Variants in ABI3BP observed in about 807,000 individuals in gnomAD.
The protein encoded by ABI3BP is ABI family member 3 binding protein, also known as target of Nesh-SH3.
Under a neutral mutation model 268.6 loss-of-function variants are expected in ABI3BP, and 216 were observed. That is an observed-to-expected ratio of 0.80 (90% CI 0.72 to 0.90). ABI3BP has a LOEUF of 0.90. Ranked by LOEUF, ABI3BP falls within the 40% of genes least tolerant of loss-of-function variation. ABI3BP has a pLI of 0.00. For missense variants in ABI3BP, 2,090 were observed against 2,182.4 expected (o/e 0.96, Z 0.84); for synonymous variants, 730 against 730.0 (o/e 1.00, Z 0.00).
intron 1 of ABI3BP, among the ~76,000 whole-genome samples, chr3:100,974,395 C>T (rs1328942831): frequency 6.6e-6 from 1 of 152,088 alleles, no homozygotes; most frequent in Non-Finnish European, 1.5e-5. Flanking sequence ...GCTGCATGGC[C>T]ATATAATGAA....
intron 12 of ABI3BP, chr3:100,863,765 A>C (rs2099023079): frequency 2.1e-6 from 1 of 479,882 alleles, no homozygotes; most frequent in Non-Finnish European, 3.7e-6. Context: ...GTTCAGTGAC[A>C]TATTGATTCT....
chr3:100,831,898 T>C (rs2098501120), intron 31 of ABI3BP, among the ~76,000 whole-genome samples: 2 of 152,316 alleles, frequency 1.3e-5, no homozygotes, highest in South Asian at 4.1e-4. Flanking sequence ...AACTACAGTG[T>C]AAACTGATTG....
intron 6 of ABI3BP, among the ~76,000 whole-genome samples, chr3:100,884,243 AAAC>A (rs2040806742): frequency 6.6e-6 from 1 of 152,030 alleles, no homozygotes; most frequent in Non-Finnish European, 1.5e-5. Flanking sequence ...CAAAACCTAA[AAAC>A]AAAAAACCAA....
intron 46 of ABI3BP, among the ~76,000 whole-genome samples, chr3:100,812,131 T>C (rs1018444562): frequency 1.3e-5 from 2 of 151,864 alleles, no homozygotes; most frequent in Admixed American, 6.6e-5. Context: ...ACACATAGAA[T>C]GAGTACTTGG....
intron 6 of ABI3BP, among the ~76,000 whole-genome samples, chr3:100,884,202 A>G (rs1310399670): frequency 6.6e-6 from 1 of 152,016 alleles, no homozygotes; most frequent in African/African-American, 2.4e-5. Flanking sequence ...AACATTCTAA[A>G]TATTTAAGTA....
intron 51 of ABI3BP, 122 bp downstream of exon 51, chr3:100,804,670 A>G: frequency 1.2e-6 from 1 of 866,826 alleles, no homozygotes; most frequent in South Asian, 1.5e-5. Flanking sequence ...ACCACATATG[A>G]TACAACATGG....
intron 49 of ABI3BP, among the ~76,000 whole-genome samples, chr3:100,809,471 A>C (rs959081990): frequency 6.6e-6 from 1 of 152,122 alleles, no homozygotes; most frequent in African/African-American, 2.4e-5. Flanking sequence ...CACTAATAGC[A>C]GTATTTGCAA....
intron 14 of ABI3BP, among the ~76,000 whole-genome samples, chr3:100,854,188 T>TAAAAAA (rs56306514): frequency 7.8e-6 from 1 of 128,936 alleles, no homozygotes; most frequent in African/African-American, 2.9e-5. Flanking sequence ...CTGTCTCTAC[T>TAAAAAA]AAAAAAAAAA....
chr3:100,885,271 C>G (rs760064619), intron 6 of ABI3BP, among the ~76,000 whole-genome samples: 2 of 151,954 alleles, frequency 1.3e-5, no homozygotes, highest in African/African-American at 4.8e-5. Context: ...ATATGTATAA[C>G]CTTGAAATAC....
chr3:100,823,429 G>C, intron 37 of ABI3BP, 29 bp downstream of exon 37: 1 of 1,509,410 alleles, frequency 6.6e-7, no homozygotes, highest in Non-Finnish European at 8.8e-7. Flanking sequence ...AGCAAAAGAA[G>C]CTTGTCGAAA....
At chr3:100,815,039 A>G (rs1448019030) in intron 44 of ABI3BP, among the ~76,000 whole-genome samples, 1 of 152,020 alleles carries the variant, frequency 6.6e-6, no homozygotes, top group Non-Finnish European at 1.5e-5. Context: ...ACCTTCTAAA[A>G]CCTAAGCCAT....
chr3:100,791,497 A>C (rs187684731), intron 55 of ABI3BP, among the ~76,000 whole-genome samples: 7 of 152,034 alleles, frequency 4.6e-5, no homozygotes, highest in Admixed American at 4.6e-4. Context: ...CTTAAGCCAG[A>C]AATTAAAGAG....
At position 100,776,985 on chromosome 3, in the gene ABI3BP, G is replaced by A. The variant is rs565206575; in HGVS notation, c.4333+1299C>T. On this transcript the variant is annotated intron_variant, in intron 59 of 67. Coordinates refer to ENST00000471714, the MANE Select transcript of ABI3BP (RefSeq NM_001375547.2). ...GGAGCTCAAGTCACAGCTGCCCCAG[G>A]TTACAGTAAATGGGGAAACCCGGTC... 2.6e-5 allele frequency among the ~76,000 whole-genome samples: 4 copies of A among 152,286 alleles called. No individual in the cohort carries two copies. The South Asian group carries it at 6.2e-4, about 24-fold the overall frequency.
intron 23 of ABI3BP, 119 bp from the exon 24 acceptor site, chr3:100,839,735 T>C: frequency 8.9e-7 from 1 of 1,125,720 alleles, no homozygotes; most frequent in Non-Finnish European, 1.3e-6. Context: ...AATGTGATTT[T>C]CCCTTTTACA....
At chr3:100,761,894 A>G (rs1316964396) in intron 63 of ABI3BP, among the ~76,000 whole-genome samples, 1 of 152,222 alleles carries the variant, frequency 6.6e-6, no homozygotes, top group African/African-American at 2.4e-5. Context: ...AATGATTTAC[A>G]TATATCTCCT....
intron 6 of ABI3BP, among the ~76,000 whole-genome samples, chr3:100,884,941 A>G (rs1485517857): frequency 6.6e-6 from 1 of 152,010 alleles, no homozygotes; most frequent in African/African-American, 2.4e-5. Context: ...ACTAGACATG[A>G]TGCTTCCTGA....
At chr3:100,922,658 A>G (rs904258858) in intron 2 of ABI3BP, among the ~76,000 whole-genome samples, 1 of 152,114 alleles carries the variant, frequency 6.6e-6, no homozygotes, top group African/African-American at 2.4e-5. Context: ...AGAGAAATGC[A>G]GTAGCCTCTA....
intron 1 of ABI3BP, among the ~76,000 whole-genome samples, chr3:100,927,356 A>G (rs890451009): frequency 5.9e-5 from 9 of 152,200 alleles, no homozygotes; most frequent in African/African-American, 2.2e-4. Flanking sequence ...CTGGCATCCC[A>G]CTGAAGATAC....
chr3:100,886,925 T>C (rs943791289), intron 4 of ABI3BP, among the ~76,000 whole-genome samples: 65 of 152,128 alleles, frequency 4.3e-4, no homozygotes, highest in African/African-American at 1.4e-3. Flanking sequence ...TGTATTTACT[T>C]AGGCCTTCAT....
Sources: allele counts gnomAD v4.1 joint callset (sites outside exome capture counted in the v4.1 genomes callset), GRCh38; gene constraint gnomAD v4.1.1; transcripts MANE v1.5; gene names NCBI Gene and HGNC (gene_info 2026-07-23, HGNC 2026-07-21).